The following CAMTA1 variants were observed in gnomAD, a reference collection of about 807,000 sequenced individuals.
The protein encoded by CAMTA1 is calmodulin binding transcription activator 1.
CAMTA1 carries 27 observed loss-of-function variants against 170.9 expected under a neutral mutation model. The observed-to-expected ratio is 0.16, with a 90% confidence interval of 0.12 to 0.22. CAMTA1 has a LOEUF of 0.22. Among genes scored for constraint, CAMTA1 ranks in the 10% least tolerant of loss-of-function variants. The pLI is 1.00. For missense variants in CAMTA1, 1,619 were observed against 2,217.2 expected (o/e 0.73, Z 5.42); for synonymous variants, 833 against 891.5 (o/e 0.93, Z 1.17).
intron 5 of CAMTA1, among the ~76,000 whole-genome samples, chr1:7,424,132 G>T (rs1575241448): frequency 1.3e-5 from 2 of 152,136 alleles, no homozygotes; most frequent in East Asian, 3.9e-4. Context: ...TGTGCTTGTG[G>T]CTGTCTTCTC....
At chr1:7,479,273 A>G (rs761555092) in intron 6 of CAMTA1, among the ~76,000 whole-genome samples, 19 of 152,224 alleles carry the variant, frequency 1.2e-4, no homozygotes, top group Non-Finnish European at 2.6e-4. Context: ...TTTTGCCTAG[A>G]CAGGTGAAGA....
chr1:7,038,359 C>G (rs1703943802), intron 3 of CAMTA1, among the ~76,000 whole-genome samples: 1 of 152,140 alleles, frequency 6.6e-6, no homozygotes, highest in Non-Finnish European at 1.5e-5. Flanking sequence ...AAAATGGAAT[C>G]TTGTGTAGTG....
chr1:7,164,085 G>A (rs1417391049), intron 4 of CAMTA1, among the ~76,000 whole-genome samples: 3 of 152,204 alleles, frequency 2.0e-5, no homozygotes, highest in African/African-American at 2.4e-5. Flanking sequence ...AGTTAGCTGA[G>A]GTTTGGGGAG....
rs1700317342 is a variant in CAMTA1, at chr1:7,014,912, A to C, written c.235-76392A>C. ...TGGGGCTCTGTGTGTCTTTTTTTGG[A>C]GGAAGAGCTTCTTTCACATTCCCTG... is the stretch of plus-strand genomic sequence containing the variant. On this transcript the variant is annotated intron_variant, in intron 3 of 22. Coordinates refer to ENST00000303635, the MANE Select transcript of CAMTA1 (RefSeq NM_015215.4). The surrounding 1 kb of genome is among the most constrained non-coding windows in gnomAD (Gnocchi z 4.2). Among the ~76,000 whole-genome samples, 1 of 151,982 alleles carries C rather than the reference A, an allele frequency of 6.6e-6. No homozygotes were observed. The highest frequency in any genetic ancestry group is 2.1e-4 in the South Asian group (1 of 4,814).
At chr1:7,246,670 C>CTTTTTT (rs34382670) in intron 4 of CAMTA1, among the ~76,000 whole-genome samples, 959 of 73,884 alleles carry the variant, frequency 0.013, 51 homozygotes, top group African/African-American at 0.023. Context: ...CTCTGACCTG[C>CTTTTTT]TTTTTTTTTT....
chr1:6,976,303 G>A (rs993648017), intron 3 of CAMTA1, among the ~76,000 whole-genome samples: 1 of 152,230 alleles, frequency 6.6e-6, no homozygotes, highest in African/African-American at 2.4e-5. Flanking sequence ...TGCTGTGTGT[G>A]TGTGAGATGG....
At chr1:6,808,020 G>A (rs1019244185) in intron 1 of CAMTA1, among the ~76,000 whole-genome samples, 5 of 151,506 alleles carry the variant, frequency 3.3e-5, no homozygotes, top group African/African-American at 1.2e-4. Flanking sequence ...AATCATTGAC[G>A]GGCAAACATG....
chr1:7,657,770 C>T (rs943224423), intron 7 of CAMTA1, among the ~76,000 whole-genome samples: 1 of 152,070 alleles, frequency 6.6e-6, no homozygotes, highest in Non-Finnish European at 1.5e-5. Flanking sequence ...CACCCACCCA[C>T]CCCCAACACC....
intron 6 of CAMTA1, among the ~76,000 whole-genome samples, chr1:7,531,091 A>G (rs1240201409): frequency 6.6e-6 from 1 of 150,384 alleles, no homozygotes; most frequent in Non-Finnish European, 1.5e-5. Flanking sequence ...TGCTGAGATT[A>G]CAGGCATGAG....
At chr1:7,404,231 C>T (rs1425081491) in intron 5 of CAMTA1, among the ~76,000 whole-genome samples, 1 of 152,226 alleles carries the variant, frequency 6.6e-6, no homozygotes, top group Non-Finnish European at 1.5e-5. Context: ...ACGCTCTGGA[C>T]CCGTTTCTGA....
intron 14 of CAMTA1, 32 bp from the exon 15 acceptor site, chr1:7,737,223 G>A (rs761366955): frequency 4.4e-6 from 7 of 1,597,652 alleles, no homozygotes; most frequent in East Asian, 4.5e-5. Flanking sequence ...ACCTCTGATT[G>A]AGAACGCTTG....
chr1:7,645,653 G>A (rs1015178673), intron 7 of CAMTA1, among the ~76,000 whole-genome samples: 4 of 152,364 alleles, frequency 2.6e-5, no homozygotes, highest in African/African-American at 7.2e-5. Context: ...TCCCCCAGCC[G>A]CCTCGGGGTT....
At chr1:6,829,867 T>C (rs1570584049) in intron 3 of CAMTA1, among the ~76,000 whole-genome samples, 1 of 152,168 alleles carries the variant, frequency 6.6e-6, no homozygotes, top group Non-Finnish European at 1.5e-5. Context: ...TTGTTTGGCT[T>C]CTTCATCTGA....
chr1:7,724,713 C>T (rs1236768462), intron 11 of CAMTA1, among the ~76,000 whole-genome samples: 1 of 151,356 alleles, frequency 6.6e-6, no homozygotes, highest in African/African-American at 2.4e-5. Context: ...GTCCCAGCTA[C>T]TCGGGAGGCT....
chr1:7,193,595 T>C (rs1573797039), intron 4 of CAMTA1, among the ~76,000 whole-genome samples: 1 of 150,928 alleles, frequency 6.6e-6, no homozygotes, highest in Non-Finnish European at 1.5e-5. Flanking sequence ...CATAGGGAGG[T>C]GAAGGACGCA....
At chr1:6,806,664 T>C (rs191993197) in intron 1 of CAMTA1, among the ~76,000 whole-genome samples, 1 of 152,324 alleles carries the variant, frequency 6.6e-6, no homozygotes, top group East Asian at 1.9e-4. Flanking sequence ...GTAGGTTGAC[T>C]TCCTGTAGTA....
chr1:6,901,658 A>G (rs887189581), intron 3 of CAMTA1, among the ~76,000 whole-genome samples: 4 of 152,208 alleles, frequency 2.6e-5, no homozygotes, highest in African/African-American at 7.2e-5. Context: ...AAAAACCACA[A>G]TGAGATGCTG....
rs1442786913 is a variant in CAMTA1 at position 7,661,803 on chromosome 1, C to A, written c.742C>A (p.Leu248Ile). 1.2e-6 allele frequency: 2 copies of A among 1,613,738 alleles called. No homozygotes were observed. The highest frequency in any genetic ancestry group is 4.5e-5 in the East Asian group (2 of 44,868). The part of the protein sequence containing the change: ...FSVEQLVQQI[L>I]DSHQTKPQPR... ...GGTGGAACAGCTGGTGCAGCAGATC[C>A]TCGACAGCCACCAGACCAAGCCCCA... Residue 248 changes from leucine to isoleucine, a missense_variant, in exon 8 of 23, where the codon CTC becomes ATC. Physicochemically the swap from Leu to Ile is conservative, Grantham distance 5. Transcript: ENST00000303635.
intron 4 of CAMTA1, among the ~76,000 whole-genome samples, chr1:7,130,699 G>A (rs574408068): frequency 1.3e-5 from 2 of 152,178 alleles, no homozygotes; most frequent in African/African-American, 4.8e-5. Flanking sequence ...AATGACGGAT[G>A]ATGCTGACAG....
Sources: allele counts gnomAD v4.1 joint callset (sites outside exome capture counted in the v4.1 genomes callset), GRCh38; gene constraint gnomAD v4.1.1; non-coding constraint Gnocchi (gnomAD v3.1); transcripts MANE v1.5; gene names NCBI Gene and HGNC (gene_info 2026-07-23, HGNC 2026-07-21).